ALK: variants seen among roughly 807,000 people sequenced by gnomAD.
ALK encodes the protein ALK receptor tyrosine kinase, also known as ALK tyrosine kinase receptor.
ALK carries 74 observed loss-of-function variants against 163.1 expected under a neutral mutation model. The ratio of observed to expected loss-of-function variants is 0.45; its 90% confidence interval spans 0.38 to 0.55. ALK has a LOEUF of 0.55. Among genes scored for constraint, ALK ranks in the 20% least tolerant of loss-of-function variants. The probability of loss-of-function intolerance (pLI) is 0.00; values close to 1 mark genes in which losing one functional copy is unlikely to be tolerated. For missense variants in ALK, 2,063 were observed against 2,105.3 expected, an observed-to-expected ratio of 0.98 and a Z score of 0.39; for synonymous variants, 960 against 843.2, an observed-to-expected ratio of 1.14 and a Z score of -2.40.
chr2:29,350,989 T>C (rs1250231711), intron 5 of ALK, among the ~76,000 whole-genome samples: 2 of 152,202 alleles, frequency 1.3e-5, no homozygotes, highest in East Asian at 1.9e-4. Flanking sequence ...GGCTGCATAT[T>C]CTATTTTACT....
At chr2:29,578,549 C>T (rs562728664) in intron 3 of ALK, among the ~76,000 whole-genome samples, 2 of 152,160 alleles carry the variant, frequency 1.3e-5, no homozygotes, top group Non-Finnish European at 2.9e-5. Flanking sequence ...TTGAGGAGGG[C>T]CCTCAGGGCC....
chr2:29,785,758 C>G (rs79038903), intron 1 of ALK, among the ~76,000 whole-genome samples: 4,582 of 152,210 alleles, frequency 0.03, 82 homozygotes, highest in East Asian at 0.081. Context: ...CACTACCACA[C>G]TACTGACCCT....
At chr2:29,232,248 G>T in intron 15 of ALK, 56 bp downstream of exon 15, 1 of 1,609,256 alleles carries the variant, frequency 6.2e-7, no homozygotes, top group Non-Finnish European at 8.5e-7. Flanking sequence ...TGGCATCGGG[G>T]CCCAGCTGAA....
intron 8 of ALK, among the ~76,000 whole-genome samples, chr2:29,301,227 CT>C (rs1666359193): frequency 6.6e-6 from 1 of 152,088 alleles, no homozygotes; most frequent in Non-Finnish European, 1.5e-5. Flanking sequence ...TTCCTTCTGT[CT>C]TCTTAAAAAA....
At chr2:29,204,489 A>G (rs1669263603) in intron 26 of ALK, among the ~76,000 whole-genome samples, 1 of 151,802 alleles carries the variant, frequency 6.6e-6, no homozygotes, top group Non-Finnish European at 1.5e-5. Flanking sequence ...TCATGATTAG[A>G]CTGTGGTTAC....
chr2:29,827,320 C>T (rs1273782474), intron 1 of ALK, among the ~76,000 whole-genome samples: 1 of 152,190 alleles, frequency 6.6e-6, no homozygotes, highest in Non-Finnish European at 1.5e-5. Context: ...TTGTGGCCCA[C>T]TGTCTAATGC....
chr2:29,907,210 C>T (rs949735749), intron 1 of ALK: 2 of 152,010 alleles, frequency 1.3e-5, no homozygotes, highest in African/African-American at 4.8e-5. Flanking sequence ...AATGGTTTTG[C>T]TATACAATTA....
chr2:29,534,574 T>C (rs922664966), intron 3 of ALK, among the ~76,000 whole-genome samples: 4 of 152,170 alleles, frequency 2.6e-5, no homozygotes, highest in Non-Finnish European at 5.9e-5. Context: ...TGTTCTCAGG[T>C]TGGCAGAATG....
At position 29,193,434 on chromosome 2, in the gene ALK, C is replaced by G. The variant is rs1376929970; in HGVS notation, c.4653G>C (p.Pro1551=). 6.2e-7 allele frequency: 1 copy of G among 1,614,164 alleles called. No homozygotes were observed. The highest frequency in any genetic ancestry group is 2.2e-5 in the East Asian group (1 of 44,874). Residue 1551 remains proline (P), a synonymous_variant, in exon 29 of 29, where the codon CCG becomes CCC. Transcript: ENST00000389048. The stretch of plus-strand genomic sequence containing the variant: ...AGGGCTCTAGGAGCAGTGAGGCCCC[C>G]GGAAGTCTCCCAGTTGCAACGTTAG... ...VPPNVATGRL[P]GASLLLEPSS... is the part of the protein sequence containing the mutation.
At chr2:29,798,326 G>T (rs1664375646) in intron 1 of ALK, among the ~76,000 whole-genome samples, 1 of 152,152 alleles carries the variant, frequency 6.6e-6, no homozygotes, top group African/African-American at 2.4e-5. Flanking sequence ...TCAGCCCTAG[G>T]TTCACTCACA....
rs560712218 is a variant in ALK, at chr2:29,212,826, C to T, written c.3743+1158G>A. Among the ~76,000 whole-genome samples, 6 of 152,306 alleles carry T rather than the reference C, an allele frequency of 3.9e-5. No homozygotes were observed. The South Asian group carries it at 1.2e-3, about 32-fold the overall frequency. On this transcript the variant is annotated intron_variant, in intron 24 of 28. Transcript: ENST00000389048. ...GGTTCAAGTGATTCTCCTGCCTCAC[C>T]TCCCGAGTAGCTGGGATTATAGGCG...
chr2:29,308,605 C>T (rs4490135), intron 8 of ALK, among the ~76,000 whole-genome samples: 22,308 of 152,140 alleles, frequency 0.15, 1,865 homozygotes, highest in Middle Eastern at 0.2. Flanking sequence ...GTGAACGGAA[C>T]GCAAGCTTTC....
chr2:29,213,821 C>CA lies in ALK; in HGVS notation c.3743+162dup, dbSNP rs1030018568. Among the ~76,000 whole-genome samples the CA allele has an allele frequency of 4.6e-5, 7 of 151,910 alleles. No individual in the cohort carries two copies. In the South Asian group the frequency reaches 6.2e-4, roughly 14 times the overall value. On this transcript the variant is annotated intron_variant, in intron 24 of 28. Coordinates refer to ENST00000389048, the MANE Select transcript of ALK (RefSeq NM_004304.5). ...CAACAAAGTGAGACCCTGTCTCTCA[C>CA]AAAAAAACAATAAAACAAAGCTGAA...
chr2:29,744,144 T>C (rs1376815987), intron 1 of ALK, among the ~76,000 whole-genome samples: 1 of 151,940 alleles, frequency 6.6e-6, no homozygotes, highest in Non-Finnish European at 1.5e-5. Flanking sequence ...CCTTAGGGAG[T>C]ATTTAATCCA....
At chr2:29,577,982 T>C (rs1392638177) in intron 3 of ALK, among the ~76,000 whole-genome samples, 1 of 152,124 alleles carries the variant, frequency 6.6e-6, no homozygotes, top group Non-Finnish European at 1.5e-5. Context: ...TTGGGCTCTT[T>C]CCTCTAGGTA....
At chr2:29,193,983 A>G in intron 28 of ALK, 61 bp from the exon 29 acceptor site, 1 of 1,488,848 alleles carries the variant, frequency 6.7e-7, no homozygotes, top group Non-Finnish European at 9.3e-7. Context: ...GATCTAGAAG[A>G]TACCTTAGAG....
At chr2:29,681,437 A>G (rs1373213615) in intron 3 of ALK, 2 of 152,172 alleles carry the variant, frequency 1.3e-5, no homozygotes, top group Admixed American at 1.3e-4. Context: ...GACTTCTGTC[A>G]TCTGTCAATA....
At chr2:29,589,353 C>A (rs1010122680) in intron 3 of ALK, among the ~76,000 whole-genome samples, 1 of 152,134 alleles carries the variant, frequency 6.6e-6, no homozygotes, top group Admixed American at 6.5e-5. Flanking sequence ...AGCTGTGTGA[C>A]CCGTGACAGG....
chr2:29,753,815 C>T (rs1254998661), intron 1 of ALK, among the ~76,000 whole-genome samples: 1 of 152,148 alleles, frequency 6.6e-6, no homozygotes, highest in African/African-American at 2.4e-5. Flanking sequence ...TTGACAATTC[C>T]AGGCCATGAA....
Sources: gnomAD v4.1 joint callset for allele counts (sites outside exome capture counted in the v4.1 genomes callset) on GRCh38, gnomAD v4.1.1 for gene constraint, MANE v1.5 for transcripts, NCBI Gene and HGNC (gene_info 2026-07-23, HGNC 2026-07-21) for gene names.